Variants in MYBL2 observed in about 807,000 individuals in gnomAD.
MYBL2 encodes MYB proto-oncogene like 2.
Under a neutral mutation model 79.9 loss-of-function variants are expected in MYBL2, and 28 were observed. The ratio of observed to expected loss-of-function variants is 0.35; its 90% CI spans 0.26 to 0.48. The LOEUF (loss-of-function observed/expected upper bound fraction) is 0.48. Among genes scored for constraint, MYBL2 ranks in the 20% least tolerant of loss-of-function variants. The pLI, the probability that MYBL2 is intolerant of heterozygous loss-of-function variation, is 0.99. For synonymous variants in MYBL2, 378 were observed against 361.2 expected (o/e 1.05, Z -0.53); for missense variants, 735 against 893.9 (o/e 0.82, Z 2.27).
intron 2 of MYBL2, among the ~76,000 whole-genome samples, chr20:43,674,655 T>A (rs1368659511): frequency 6.7e-6 from 1 of 150,098 alleles, no homozygotes; most frequent in Non-Finnish European, 1.5e-5. Context: ...CGGCCTCCCA[T>A]AGTGCTGGGA....
At chr20:43,700,313 C>T (rs980964361) in intron 7 of MYBL2, among the ~76,000 whole-genome samples, 15 of 152,096 alleles carry the variant, frequency 9.9e-5, no homozygotes, top group Admixed American at 8.5e-4. Flanking sequence ...GAAGGCTGCC[C>T]AGAGGAGGTG....
intron 1 of MYBL2, among the ~76,000 whole-genome samples, chr20:43,672,563 T>C (rs530864287): frequency 6.6e-6 from 1 of 151,964 alleles, no homozygotes; most frequent in East Asian, 1.9e-4. Context: ...CTAGGCAAAA[T>C]AGTGAGATGT....
In MYBL2 at chr20:43,667,998, C is replaced by T. The variant is rs192282638; in HGVS notation, c.20+695C>T. On this transcript the variant is annotated intron_variant, in intron 1 of 13. Coordinates refer to ENST00000217026, the MANE Select transcript of MYBL2 (RefSeq NM_002466.4). Reference sequence around the variant, plus strand: ...GGGCAAAGGCAGGAACTGCGGTCTCCATTTTACTTATTTCCCCAGAGACTT... The same window carrying T: ...GGGCAAAGGCAGGAACTGCGGTCTCTATTTTACTTATTTCCCCAGAGACTT... Among the ~76,000 whole-genome samples the T allele has an allele frequency of 3.5e-3, 530 of 151,912 alleles. 2 individuals are homozygous for T. The highest frequency in any genetic ancestry group is 0.012 in the African/African-American group (512 of 41,380).
rs769425399 is a variant in MYBL2, at chr20:43,702,543, T to C, written c.1005T>C (p.Ser335=). The C allele has an allele frequency of 3.2e-5, 51 of 1,613,438 alleles. No individual in the cohort carries two copies. The highest frequency in any genetic ancestry group is 4.2e-5 in the Non-Finnish European group (50 of 1,179,370). Residue 335 remains serine, a synonymous_variant, in exon 8 of 14, where the codon TCT becomes TCC. Coordinates refer to ENST00000217026, the MANE Select transcript of MYBL2 (RefSeq NM_002466.4). The part of the protein sequence containing the change: ...LSKFDLPEEP[S]AEDSINNSLV... ...AATTTGACCTCCCTGAGGAACCATC[T>C]GCAGAGGACAGTATCAACAACAGCC...
chr20:43,701,244 C>T (rs1197393840), intron 7 of MYBL2, among the ~76,000 whole-genome samples: 1 of 152,182 alleles, frequency 6.6e-6, no homozygotes, highest in East Asian at 1.9e-4. Flanking sequence ...ATCTTCCCTC[C>T]TCTGCTCCGT....
chr20:43,703,310 C>T (rs112163012), intron 8 of MYBL2, among the ~76,000 whole-genome samples: 1,735 of 152,238 alleles, frequency 0.011, 15 homozygotes, highest in African/African-American at 0.028. Context: ...CTGGGAAGAC[C>T]TGGGATAGCC....
intron 8 of MYBL2, among the ~76,000 whole-genome samples, chr20:43,704,695 T>G (rs1987741626): frequency 6.6e-6 from 1 of 152,216 alleles, no homozygotes; most frequent in African/African-American, 2.4e-5. Context: ...AAAACCTCTC[T>G]AAGCGTTGGT....
At chr20:43,681,081 A>G (rs1441744686) in intron 2 of MYBL2, among the ~76,000 whole-genome samples, 1 of 152,132 alleles carries the variant, frequency 6.6e-6, no homozygotes, top group Non-Finnish European at 1.5e-5. Flanking sequence ...CACACATCAT[A>G]GTGACACTGA....
intron 5 of MYBL2, among the ~76,000 whole-genome samples, 156 bp from the exon 6 acceptor site, chr20:43,692,001 T>C (rs1278447734): frequency 1.3e-5 from 2 of 152,134 alleles, no homozygotes; most frequent in Non-Finnish European, 2.9e-5. Context: ...TAGAGACTTG[T>C]GAGACTTCAT....
At chr20:43,690,626 G>A (rs1987384756) in intron 5 of MYBL2, among the ~76,000 whole-genome samples, 1 of 152,220 alleles carries the variant, frequency 6.6e-6, no homozygotes, top group South Asian at 2.1e-4. Flanking sequence ...GAGTGCAAAT[G>A]ATCCGAGGAT....
intron 1 of MYBL2, among the ~76,000 whole-genome samples, chr20:43,670,913 A>G (rs1986837914): frequency 6.6e-6 from 1 of 151,756 alleles, no homozygotes; most frequent in Non-Finnish European, 1.5e-5. Context: ...AAAGATTACT[A>G]ACTTTCCTCA....
At chr20:43,698,351 A>ATTTT (rs71193701) in intron 6 of MYBL2, among the ~76,000 whole-genome samples, 4 of 49,092 alleles carry the variant, frequency 8.1e-5, no homozygotes, top group Non-Finnish European at 1.1e-4. Flanking sequence ...CGCCCCGCAT[A>ATTTT]TTTTTTTTTT....
intron 6 of MYBL2, among the ~76,000 whole-genome samples, chr20:43,696,256 T>C (rs1259922479): frequency 6.6e-6 from 1 of 152,146 alleles, no homozygotes; most frequent in African/African-American, 2.4e-5. Flanking sequence ...TTTTTTTTTT[T>C]TGAGACGGAG....
At chr20:43,705,036 C>G (rs56285825) in intron 8 of MYBL2, among the ~76,000 whole-genome samples, 183 bp from the exon 9 acceptor site, 2,799 of 152,180 alleles carry the variant, frequency 0.018, 81 homozygotes, top group African/African-American at 0.064. Flanking sequence ...GCTTGGTGGG[C>G]TCCTGGCATC....
chr20:43,694,852 GC>G (rs1381704638), intron 6 of MYBL2, among the ~76,000 whole-genome samples: 2 of 152,146 alleles, frequency 1.3e-5, no homozygotes, highest in African/African-American at 4.8e-5. Context: ...GCGGGCATCA[GC>G]CGACTCATAG....
chr20:43,671,622 A>G (rs826948), intron 1 of MYBL2, among the ~76,000 whole-genome samples: 136,600 of 151,424 alleles, frequency 0.9, 61,826 homozygotes, highest in African/African-American at 0.97. Context: ...ACAGGCATGC[A>G]CCATCACACC....
Position 43,715,140 on chromosome 20 carries a change from A to G in MYBL2, c.1831A>G (p.Thr611Ala), listed in dbSNP as rs745386391. ...TLPKSLSLPT[T>A]APSNSSSLTL... ...GACTTGGTTTTGGTTTCAGCCGACA[A>G]CTGCCCCTTCAAACTCTTCCAGCCT... The change falls in exon 13 of 14, where the codon ACT (threonine) becomes GCT (alanine). Residue 611 changes from threonine to alanine, a missense_variant. Thr to Ala is a moderately conservative substitution (Grantham distance 58, BLOSUM62 0). Coordinates refer to ENST00000217026, the MANE Select transcript of MYBL2 (RefSeq NM_002466.4). The G allele has an allele frequency of 1.2e-6, 2 of 1,614,140 alleles. No individual in the cohort carries two copies. Among genetic ancestry groups the G allele is most frequent in the South Asian group, 1.1e-5 (1 of 91,078 alleles).
intron 4 of MYBL2, among the ~76,000 whole-genome samples, chr20:43,686,090 A>G (rs1008165298): frequency 6.6e-5 from 10 of 152,208 alleles, no homozygotes; most frequent in Non-Finnish European, 1.3e-4. Flanking sequence ...TTAAAAAAAA[A>G]AATCAAAGTG....
chr20:43,680,784 C>T (rs939515792), intron 2 of MYBL2, among the ~76,000 whole-genome samples: 1 of 152,166 alleles, frequency 6.6e-6, no homozygotes, highest in East Asian at 1.9e-4. Context: ...TGAGCCACTG[C>T]GCCTGGCTTG....
Sources: allele counts gnomAD v4.1 joint callset (sites outside exome capture counted in the v4.1 genomes callset), GRCh38; gene constraint gnomAD v4.1.1; transcripts MANE v1.5; gene names NCBI Gene and HGNC (gene_info 2026-07-23, HGNC 2026-07-21).